The following ANKRD45 variants were observed in gnomAD, a reference collection of about 807,000 sequenced individuals.
The protein encoded by ANKRD45 is ankyrin repeat domain 45, also known as ankyrin repeat domain-containing protein 45.
Under a neutral mutation model 28.1 loss-of-function variants are expected in ANKRD45, and 21 were observed. That is an observed-to-expected ratio of 0.75 (90% CI 0.53 to 1.08). ANKRD45 has a LOEUF of 1.08. Among genes scored for constraint, ANKRD45 ranks in the 50% least tolerant of loss-of-function variants. The pLI, the probability that ANKRD45 is intolerant of heterozygous loss-of-function variation, is 0.00. For synonymous variants in ANKRD45, 86 were observed against 103.9 expected, an observed-to-expected ratio of 0.83 and a Z score of 1.05; for missense variants, 261 against 308.7, an observed-to-expected ratio of 0.85 and a Z score of 1.16.
the ANKRD45 span, among the ~76,000 whole-genome samples, chr1:173,685,918 C>G: frequency 3.3e-5 from 5 of 152,206 alleles, no homozygotes; most frequent in Admixed American, 6.5e-5. Flanking sequence ...GAGGGCTGTT[C>G]CTTTAATAAA....
At chr1:173,680,197 C>T in the ANKRD45 span, among the ~76,000 whole-genome samples, 1 of 152,166 alleles carries the variant, frequency 6.6e-6, no homozygotes, top group South Asian at 2.1e-4. Context: ...GGGTATACAA[C>T]CAAAGGATTA....
intron 3 of ANKRD45, among the ~76,000 whole-genome samples, chr1:173,630,430 G>A: frequency 6.6e-6 from 1 of 152,170 alleles, no homozygotes; most frequent in Non-Finnish European, 1.5e-5. Flanking sequence ...TGAAGTTAAA[G>A]TGTAGCTTTT....
the ANKRD45 span, among the ~76,000 whole-genome samples, chr1:173,711,957 C>G: frequency 6.6e-6 from 1 of 152,142 alleles, no homozygotes; most frequent in Non-Finnish European, 1.5e-5. Flanking sequence ...GTTTTAAAAT[C>G]AGTCTTTGGT....
chr1:173,712,369 T>A, the ANKRD45 span, among the ~76,000 whole-genome samples: 3 of 152,350 alleles, frequency 2.0e-5, no homozygotes, highest in East Asian at 5.8e-4. Flanking sequence ...ATTGCTCTAC[T>A]TCATAACTAG....
chr1:173,656,107 G>A (rs934373869), intron 2 of ANKRD45, among the ~76,000 whole-genome samples: 1 of 152,172 alleles, frequency 6.6e-6, no homozygotes, highest in African/African-American at 2.4e-5. Flanking sequence ...TCCACGGGCT[G>A]CACCCAATGT....
intron 2 of ANKRD45, among the ~76,000 whole-genome samples, chr1:173,656,785 T>G (rs1163973980): frequency 6.6e-6 from 1 of 152,052 alleles, no homozygotes; most frequent in Non-Finnish European, 1.5e-5. Context: ...TAGTCTTATT[T>G]CTGATTATAA....
chr1:173,623,313 A>C (rs1667785001), intron 5 of ANKRD45, among the ~76,000 whole-genome samples: 2 of 152,016 alleles, frequency 1.3e-5, no homozygotes, highest in Admixed American at 6.6e-5. Context: ...CCGCCTCGAA[A>C]AAAAAAAAAA....
At chr1:173,650,615 C>T (rs188305024) in intron 2 of ANKRD45, among the ~76,000 whole-genome samples, 1 of 152,096 alleles carries the variant, frequency 6.6e-6, no homozygotes, top group African/African-American at 2.4e-5. Flanking sequence ...GGGTATATAC[C>T]CAGTAATGGG....
At chr1:173,632,449 A>G (rs1448018114) in intron 3 of ANKRD45, among the ~76,000 whole-genome samples, 1 of 151,978 alleles carries the variant, frequency 6.6e-6, no homozygotes, top group Non-Finnish European at 1.5e-5. Context: ...ATTCTGAAAA[A>G]TAGAGAAGGA....
chr1:173,626,958 G>C, intron 4 of ANKRD45, 107 bp downstream of exon 4: 3 of 678,600 alleles, frequency 4.4e-6, no homozygotes, highest in Non-Finnish European at 7.6e-6. Context: ...AGGGAGGAGG[G>C]AGGAAGTAAG....
intron 3 of ANKRD45, 36 bp from the exon 4 acceptor site, chr1:173,627,195 C>A (rs1188281802): frequency 7.1e-7 from 1 of 1,415,492 alleles, no homozygotes; most frequent in South Asian, 1.2e-5. Flanking sequence ...CATGACAAGA[C>A]AAACACAAGA....
intron 3 of ANKRD45, among the ~76,000 whole-genome samples, chr1:173,638,577 A>G (rs957672980): frequency 3.3e-5 from 5 of 152,050 alleles, no homozygotes; most frequent in African/African-American, 1.2e-4. Flanking sequence ...CAAAACTTCA[A>G]GATAGGAAAT....
chr1:173,632,542 A>C (rs987593366), intron 3 of ANKRD45, among the ~76,000 whole-genome samples: 10 of 151,400 alleles, frequency 6.6e-5, no homozygotes, highest in African/African-American at 2.4e-4. Context: ...AAAAAAAAAA[A>C]CAAAACAAAA....
At chr1:173,691,813 G>C in the ANKRD45 span, among the ~76,000 whole-genome samples, 1 of 152,064 alleles carries the variant, frequency 6.6e-6, no homozygotes, top group East Asian at 1.9e-4. Context: ...CAAAAATGAA[G>C]TGTGCACCCT....
At chr1:173,615,148 A>G (rs1200190307) in intron 5 of ANKRD45, among the ~76,000 whole-genome samples, 15 of 152,006 alleles carry the variant, frequency 9.9e-5, no homozygotes, top group Non-Finnish European at 1.9e-4. Flanking sequence ...ATGCCCCCCC[A>G]GACCGGGCGC....
the ANKRD45 span, among the ~76,000 whole-genome samples, chr1:173,713,997 C>G: frequency 6.6e-6 from 1 of 152,198 alleles, no homozygotes; most frequent in East Asian, 1.9e-4. Flanking sequence ...GCCACTATAT[C>G]TGGATCTAAA....
At chr1:173,698,813 T>C in the ANKRD45 span, among the ~76,000 whole-genome samples, 1 of 149,624 alleles carries the variant, frequency 6.7e-6, no homozygotes, top group Non-Finnish European at 1.5e-5. Flanking sequence ...AAGAAATAAC[T>C]AAGGTCAGAG....
intron 3 of ANKRD45, among the ~76,000 whole-genome samples, chr1:173,636,232 T>C (rs769835287): frequency 5.3e-5 from 8 of 152,176 alleles, no homozygotes; most frequent in Non-Finnish European, 1.2e-4. Flanking sequence ...CCCTTTCAGA[T>C]GTATCTAAGA....
chr1:173,687,572 A>G, the ANKRD45 span, among the ~76,000 whole-genome samples: 31 of 150,794 alleles, frequency 2.1e-4, no homozygotes, highest in Non-Finnish European at 1.5e-4. Flanking sequence ...AGGATAATAC[A>G]TGTTAACTTT....
Sources: gnomAD v4.1 joint callset for allele counts (sites outside exome capture counted in the v4.1 genomes callset) on GRCh38, gnomAD v4.1.1 for gene constraint, MANE v1.5 for transcripts, NCBI Gene and HGNC (gene_info 2026-07-23, HGNC 2026-07-21) for gene names.